The following CHN2 variants were observed in gnomAD, a reference collection of about 807,000 sequenced individuals.
CHN2 encodes chimerin 2, also known as beta-chimaerin.
In CHN2, 35 loss-of-function variants were observed where a neutral mutation model predicts 56.3. That is an observed-to-expected ratio of 0.62 (90% CI 0.47 to 0.82). The LOEUF is 0.82. Among genes scored for constraint, CHN2 ranks in the 40% least tolerant of loss-of-function variants. CHN2 has a pLI of 0.00. For synonymous variants in CHN2, 210 were observed against 212.8 expected, an observed-to-expected ratio of 0.99 and a Z score of 0.12; for missense variants, 491 against 580.5, an observed-to-expected ratio of 0.85 and a Z score of 1.58.
chr7:29,338,490 T>G (rs1470492207), intron 1 of CHN2, among the ~76,000 whole-genome samples: 1 of 152,230 alleles, frequency 6.6e-6, no homozygotes, highest in Non-Finnish European at 1.5e-5. Flanking sequence ...TGTGATTATT[T>G]ATGTGATTCT....
chr7:29,169,646 T>G (rs1044561028), intron 2 of CHN2, among the ~76,000 whole-genome samples: 3 of 152,144 alleles, frequency 2.0e-5, no homozygotes, highest in Non-Finnish European at 4.4e-5. Flanking sequence ...TGCCTTTTCA[T>G]GTCCTATGTA....
chr7:29,312,929 C>T (rs1794698243), intron 1 of CHN2, among the ~76,000 whole-genome samples: 1 of 152,066 alleles, frequency 6.6e-6, no homozygotes, highest in Admixed American at 6.5e-5. Context: ...ATGCAAAGCA[C>T]TCTTTCCTTA....
At chr7:29,450,833 G>A (rs1784354931) in intron 6 of CHN2, among the ~76,000 whole-genome samples, 1 of 151,818 alleles carries the variant, frequency 6.6e-6, no homozygotes, top group South Asian at 2.1e-4. Flanking sequence ...GTGCGGTGGT[G>A]TAATCTTGGC....
At chr7:29,275,831 A>G (rs1048722386) in intron 1 of CHN2, among the ~76,000 whole-genome samples, 2 of 152,044 alleles carry the variant, frequency 1.3e-5, no homozygotes, top group Non-Finnish European at 2.9e-5. Context: ...GTCCAGAGGG[A>G]GGTGGAAAGG....
chr7:29,248,063 G>A (rs80183760), intron 1 of CHN2, among the ~76,000 whole-genome samples: 2,581 of 152,328 alleles, frequency 0.017, 32 homozygotes, highest in Non-Finnish European at 0.025. Flanking sequence ...GCTGGAGGGC[G>A]TCTGGGGCTT....
In CHN2 at chr7:29,400,747, A is replaced by G; in HGVS notation, c.495A>G (p.Lys165=). 1 of 1,614,192 alleles carries G rather than the reference A, an allele frequency of 6.2e-7. No individual in the cohort carries two copies. Among genetic ancestry groups the G allele is most frequent in the Non-Finnish European group, 8.5e-7 (1 of 1,180,026 alleles). ...HIGYATLLRE[K]VSRRLSRSKN... Reference sequence around the variant, plus strand: ...GATATGCCACCCTACTCAGAGAAAAAGTATCCAGAAGGCTGAGCAGGTCTA... The same window carrying G: ...GATATGCCACCCTACTCAGAGAAAAGGTATCCAGAAGGCTGAGCAGGTCTA... Residue 165 remains lysine, a synonymous_variant, in exon 6 of 13, where the codon AAA becomes AAG. Transcript: ENST00000222792.
At chr7:29,345,977 A>G (rs1797403830) in intron 1 of CHN2, among the ~76,000 whole-genome samples, 1 of 152,164 alleles carries the variant, frequency 6.6e-6, no homozygotes, top group African/African-American at 2.4e-5. Context: ...AATCCGTGCT[A>G]TGAGTTTCAT....
intron 2 of CHN2, chr7:29,148,417 T>C (rs1178541338): frequency 1.3e-5 from 2 of 152,252 alleles, no homozygotes; most frequent in South Asian, 2.1e-4. Flanking sequence ...CTGCAACTTA[T>C]AAGAACACCA....
At chr7:29,190,653 C>T (rs938477467), upstream of CHN2, among the ~76,000 whole-genome samples, 8 of 152,094 alleles carry the variant, frequency 5.3e-5, no homozygotes, top group South Asian at 2.1e-4. Flanking sequence ...TATGTTTCAC[C>T]GTTTCAGTCT....
At chr7:29,268,643 T>C (rs540543518) in intron 1 of CHN2, among the ~76,000 whole-genome samples, 1 of 152,306 alleles carries the variant, frequency 6.6e-6, no homozygotes, top group Non-Finnish European at 1.5e-5. Context: ...GCTGCCAGCT[T>C]GTAATGATCT....
At chr7:29,270,850 A>G (rs931825482) in intron 1 of CHN2, among the ~76,000 whole-genome samples, 1 of 123,504 alleles carries the variant, frequency 8.1e-6, no homozygotes, top group Non-Finnish European at 1.6e-5. Flanking sequence ...TTCATGACCA[A>G]GAGAAAAAGA....
chr7:29,147,012 G>A, intron 2 of CHN2: 1 of 1,549,146 alleles, frequency 6.5e-7, no homozygotes, highest in Admixed American at 2.0e-5. Flanking sequence ...CTGAATCACT[G>A]CGCTGGAGTC....
intron 1 of CHN2, among the ~76,000 whole-genome samples, chr7:29,346,559 G>A (rs1450724531): frequency 1.3e-5 from 2 of 152,168 alleles, no homozygotes; most frequent in Non-Finnish European, 2.9e-5. Flanking sequence ...GATGGCAGAG[G>A]GAGAAACCCA....
intron 1 of CHN2, among the ~76,000 whole-genome samples, chr7:29,278,314 A>G (rs564169018): frequency 6.6e-6 from 1 of 152,312 alleles, no homozygotes; most frequent in East Asian, 1.9e-4. Flanking sequence ...TGTAAAGGGC[A>G]GACAATACAT....
chr7:29,269,443 A>G (rs1790435411), intron 1 of CHN2, among the ~76,000 whole-genome samples: 1 of 152,160 alleles, frequency 6.6e-6, no homozygotes, highest in Non-Finnish European at 1.5e-5. Flanking sequence ...TTCTTTATCC[A>G]TGCACCTGTT....
intron 1 of CHN2, among the ~76,000 whole-genome samples, chr7:29,228,568 A>C (rs1786414815): frequency 6.6e-6 from 1 of 152,262 alleles, no homozygotes; most frequent in Middle Eastern, 3.2e-3. Flanking sequence ...TTCTATGTGA[A>C]TGTGTAACAT....
At chr7:29,210,240 G>A (rs759283883) in intron 1 of CHN2, among the ~76,000 whole-genome samples, 91 of 152,102 alleles carry the variant, frequency 6.0e-4, no homozygotes, top group Non-Finnish European at 9.0e-4. Context: ...GGCATCATTT[G>A]TTCCAGGCAC....
chr7:29,183,179 G>C (rs995814810), intron 2 of CHN2, among the ~76,000 whole-genome samples: 1 of 150,892 alleles, frequency 6.6e-6, no homozygotes, highest in Admixed American at 6.6e-5. Context: ...CCGCCTCCCA[G>C]GTTCAAGCGA....
At position 29,230,259 on chromosome 7, in the gene CHN2, C is replaced by T. The variant is rs190431026; in HGVS notation, c.49+35269C>T. 2.7e-4 allele frequency among the ~76,000 whole-genome samples: 41 copies of T among 152,276 alleles called. No homozygotes were observed. The East Asian group carries it at 7.5e-3, about 28-fold the overall frequency. On this transcript the variant is annotated intron_variant, in intron 1 of 12. Transcript: ENST00000222792. Reference sequence around the variant, plus strand: ...TTTGCCTAGTTAAGATTTCTAGGGACGCACATGGTATTGTCTTACTAAACA... The same window carrying T: ...TTTGCCTAGTTAAGATTTCTAGGGATGCACATGGTATTGTCTTACTAAACA...
Sources: gnomAD v4.1 joint callset for allele counts (sites outside exome capture counted in the v4.1 genomes callset) on GRCh38, gnomAD v4.1.1 for gene constraint, MANE v1.5 for transcripts, NCBI Gene and HGNC (gene_info 2026-07-23, HGNC 2026-07-21) for gene names.